Variants in HMGXB3 observed in about 807,000 individuals in gnomAD.
The protein encoded by HMGXB3 is HMG-box containing 3.
A neutral mutation model predicts 121.5 loss-of-function variants in HMGXB3; 45 were observed. The ratio of observed to expected loss-of-function variants is 0.37; its 90% CI spans 0.29 to 0.47. The LOEUF is 0.47. HMGXB3 is among the 20% of genes least tolerant of loss of function. HMGXB3 has a pLI of 0.99. For missense variants in HMGXB3, 1,376 were observed against 1,602.2 expected (o/e 0.86, Z 2.41); for synonymous variants, 590 against 624.1 (o/e 0.95, Z 0.81).
intron 9 of HMGXB3, among the ~76,000 whole-genome samples, chr5:150,028,685 G>A (rs755575802): frequency 6.7e-6 from 1 of 148,788 alleles, no homozygotes; most frequent in African/African-American, 2.5e-5. Flanking sequence ...TCCCAACTCA[G>A]CCTCCTGAGT....
At chr5:150,036,261 A>G (rs1561877209) in intron 11 of HMGXB3, among the ~76,000 whole-genome samples, 1 of 152,098 alleles carries the variant, frequency 6.6e-6, no homozygotes, top group Admixed American at 6.5e-5. Flanking sequence ...TTGATACCAG[A>G]AGTGTTTTGG....
At chr5:150,015,568 C>T (rs1051432175) in intron 5 of HMGXB3, among the ~76,000 whole-genome samples, 2 of 152,176 alleles carry the variant, frequency 1.3e-5, no homozygotes, top group Non-Finnish European at 2.9e-5. Flanking sequence ...GAATTACAGG[C>T]GTGAGCCACC....
chr5:150,001,997 T>G (rs935617342), intron 1 of HMGXB3, among the ~76,000 whole-genome samples: 3 of 152,214 alleles, frequency 2.0e-5, no homozygotes, highest in African/African-American at 7.2e-5. Context: ...TACTGGCCTA[T>G]TGCTTACCCA....
intron 4 of HMGXB3, among the ~76,000 whole-genome samples, chr5:150,010,967 T>A (rs1030400417): frequency 2.0e-5 from 3 of 152,204 alleles, no homozygotes; most frequent in Non-Finnish European, 2.9e-5. Flanking sequence ...GAAGACTGCT[T>A]CCTTTTCTTG....
intron 1 of HMGXB3, among the ~76,000 whole-genome samples, chr5:150,002,806 C>T (rs1755609089): frequency 6.6e-6 from 1 of 151,738 alleles, no homozygotes; most frequent in Non-Finnish European, 1.5e-5. Context: ...CTGTTTAGAT[C>T]TGTGCTGTCT....
At chr5:150,003,673 C>T (rs1301294890) in intron 1 of HMGXB3, among the ~76,000 whole-genome samples, 1 of 151,506 alleles carries the variant, frequency 6.6e-6, no homozygotes, top group Non-Finnish European at 1.5e-5. Context: ...AGGAATGAAC[C>T]CAGCAGGGCA....
chr5:150,007,291 C>A (rs953368264), intron 3 of HMGXB3, among the ~76,000 whole-genome samples: 5 of 152,244 alleles, frequency 3.3e-5, no homozygotes, highest in African/African-American at 1.2e-4. Context: ...TAACAAAATA[C>A]ACTGACAGCT....
Position 150,028,437 on chromosome 5 carries a change from T to C in HMGXB3, c.1734+1320T>C, listed in dbSNP as rs986561502. ...ATATATATATATGTATATATATATA[T>C]GTATGTGTGTGTATATATATATGTA... On this transcript the variant is annotated intron_variant, in intron 9 of 19. Coordinates refer to ENST00000502717, the MANE Select transcript of HMGXB3 (RefSeq NM_014983.3). Among the ~76,000 whole-genome samples the C allele has an allele frequency of 8.9e-5, 13 of 145,828 alleles. No homozygotes were observed. In the East Asian group the frequency reaches 2.5e-3, roughly 29 times the overall value.
Position 150,036,679 on chromosome 5 carries a change from C to A in HMGXB3, c.2027C>A (p.Pro676His), listed in dbSNP as rs763105939. 38 of 1,550,556 alleles carry A rather than the reference C, an allele frequency of 2.5e-5. No homozygotes were observed. Among genetic ancestry groups the A allele is most frequent in the Non-Finnish European group, 3.2e-5 (37 of 1,146,924 alleles). ...PLPDVLNATE[P>H]LSTAQREIQR... ...CCAGATGTACTGAATGCCACAGAGC[C>A]CCTGAGCACAGCCCAGAGGGAGATC... Residue 676 changes from proline to histidine, a missense_variant, in exon 12 of 20, where the codon CCC becomes CAC. Around this residue, in one of 2 missense-constraint regions of HMGXB3, gnomAD observed 1,116 missense variants for 1,369.0 expected, o/e 0.82. Coordinates refer to ENST00000502717, the MANE Select transcript of HMGXB3 (RefSeq NM_014983.3).
chr5:150,026,996 C>T (rs1300053626), intron 8 of HMGXB3, 24 bp from the exon 9 acceptor site: 2 of 1,549,336 alleles, frequency 1.3e-6, no homozygotes, highest in Non-Finnish European at 8.7e-7. Flanking sequence ...CTTAAGTCAC[C>T]AGTTTGGCTC....
intron 3 of HMGXB3, among the ~76,000 whole-genome samples, chr5:150,009,467 C>T (rs974081651): frequency 6.6e-6 from 1 of 151,960 alleles, no homozygotes; most frequent in Non-Finnish European, 1.5e-5. Context: ...TGTCACATAA[C>T]CCCTTCTATA....
intron 14 of HMGXB3, 125 bp downstream of exon 14, chr5:150,041,004 T>C (rs1463407658): frequency 2.8e-5 from 26 of 945,380 alleles, no homozygotes; most frequent in Non-Finnish European, 3.9e-5. Flanking sequence ...GGAGACATTC[T>C]TGACTTCCTA....
chr5:150,027,838 C>T (rs1468191628), intron 9 of HMGXB3, among the ~76,000 whole-genome samples: 1 of 152,188 alleles, frequency 6.6e-6, no homozygotes, highest in African/African-American at 2.4e-5. Context: ...CAGGGGTGAG[C>T]CACCACGCCT....
intron 11 of HMGXB3, among the ~76,000 whole-genome samples, chr5:150,034,687 A>G (rs1043543772): frequency 3.3e-5 from 5 of 152,236 alleles, no homozygotes; most frequent in Non-Finnish European, 7.3e-5. Context: ...CAGTGTAATT[A>G]CTGCTTTCCA....
At chr5:150,019,750 A>G (rs1756045426) in intron 6 of HMGXB3, among the ~76,000 whole-genome samples, 1 of 152,226 alleles carries the variant, frequency 6.6e-6, no homozygotes, top group Non-Finnish European at 1.5e-5. Context: ...TGATTATCAC[A>G]TGTTTAACTC....
chr5:150,047,066 G>A (rs954478734), intron 16 of HMGXB3, among the ~76,000 whole-genome samples: 1 of 151,738 alleles, frequency 6.6e-6, no homozygotes, highest in African/African-American at 2.4e-5. Flanking sequence ...CTAATTTTTT[G>A]TATTTTTAGA....
At chr5:150,017,587 C>T (rs954059092) in intron 5 of HMGXB3, among the ~76,000 whole-genome samples, 1 of 152,178 alleles carries the variant, frequency 6.6e-6, no homozygotes, top group African/African-American at 2.4e-5. Context: ...ACTTCACGCT[C>T]ATCCTTGACT....
Position 150,027,078 on chromosome 5 carries a change from C to A in HMGXB3, c.1695C>A (p.Gly565=). ...GLKPSTLKQL[G]QPIQQPSGPG... is the part of the protein sequence containing the mutation. ...AGCCAAGCACACTGAAGCAGCTGGG[C>A]CAGCCCATTCAACAGCCATCTGGCC... Residue 565 remains glycine, a synonymous_variant, in exon 9 of 20, where the codon GGC becomes GGA. Coordinates refer to ENST00000502717, the MANE Select transcript of HMGXB3 (RefSeq NM_014983.3). 1 of 1,551,664 alleles carries A rather than the reference C, an allele frequency of 6.4e-7. No homozygotes were observed. The highest frequency in any genetic ancestry group is 8.7e-7 in the Non-Finnish European group (1 of 1,146,982).
chr5:150,027,194 A>T, intron 9 of HMGXB3, 77 bp downstream of exon 9: 1 of 1,109,584 alleles, frequency 9.0e-7, no homozygotes, highest in Non-Finnish European at 1.3e-6. Context: ...CTATAGGTAA[A>T]GGCACATCCC....
Sources: gnomAD v4.1 joint callset for allele counts (sites outside exome capture counted in the v4.1 genomes callset) on GRCh38, gnomAD v4.1.1 for gene constraint, gnomAD v4.1.1 regional missense constraint, MANE v1.5 for transcripts, NCBI Gene and HGNC (gene_info 2026-07-23, HGNC 2026-07-21) for gene names.